The following MCM7 variants were observed in gnomAD, a reference collection of about 807,000 sequenced individuals.
MCM7 encodes the protein minichromosome maintenance complex component 7, also known as DNA replication licensing factor MCM7.
A neutral mutation model predicts 83.5 loss-of-function variants in MCM7; 95 were observed. The observed-to-expected ratio is 1.14, with a 90% CI of 0.96 to 1.35. MCM7 has a LOEUF of 1.35. Ranked by LOEUF, MCM7 falls within the 40% of genes most tolerant of loss-of-function variation. The probability of loss-of-function intolerance (pLI) is 0.00; values close to 1 mark genes in which losing one functional copy is unlikely to be tolerated. For missense variants in MCM7, 1,087 were observed against 957.4 expected, an observed-to-expected ratio of 1.14 and a Z score of -1.79; for synonymous variants, 461 against 352.7, an observed-to-expected ratio of 1.31 and a Z score of -3.44.
At chr7:100,097,565 C>T (rs779860364) in intron 9 of MCM7, 49 bp downstream of exon 9, 5 of 1,609,078 alleles carry the variant, frequency 3.1e-6, no homozygotes, top group South Asian at 1.1e-5. Context: ...TCCTTTTTTC[C>T]TCCTAAATGA....
chr7:100,093,977 C>A, intron 13 of MCM7, 196 bp downstream of exon 13: 1 of 780,352 alleles, frequency 1.3e-6, no homozygotes, highest in Middle Eastern at 2.2e-4. Flanking sequence ...TTTCCCTCCA[C>A]GGACGCTGTG....
intron 1 of MCM7, 47 bp from the exon 2 acceptor site, chr7:100,100,140 T>C (rs1470859048): frequency 1.9e-6 from 3 of 1,603,376 alleles, no homozygotes; most frequent in East Asian, 2.2e-5. Context: ...TTAAGACAAA[T>C]CTTAGATACC....
In MCM7 at chr7:100,095,474, G is replaced by A; in HGVS notation, c.1596-4C>T. On this transcript the variant is annotated splice_region_variant and splice_polypyrimidine_tract_variant and intron_variant, in intron 11 of 14. Coordinates refer to ENST00000303887, the MANE Select transcript of MCM7 (RefSeq NM_005916.5). ...ATAGGTGATGTGCTGGGCCAACCTG[G>A]ACAGAGGGAAGGTTAGAAGGAACAC... is the stretch of plus-strand genomic sequence containing the variant. The A allele has an allele frequency of 6.2e-7, 1 of 1,613,848 alleles. No homozygotes were observed. Among genetic ancestry groups the A allele is most frequent in the East Asian group, 2.2e-5 (1 of 44,874 alleles).
At chr7:100,096,237 C>A in intron 10 of MCM7, 70 bp from the exon 11 acceptor site, 1 of 1,468,344 alleles carries the variant, frequency 6.8e-7, no homozygotes, top group Non-Finnish European at 9.0e-7. Flanking sequence ...AGACAACAAA[C>A]GGGCCAGGGA....
intron 13 of MCM7, chr7:100,093,759 G>A: frequency 1.6e-6 from 1 of 621,166 alleles, no homozygotes; most frequent in Non-Finnish European, 3.2e-6. Context: ...TTGGCAGAGA[G>A]AACGTGTCCC....
chr7:100,096,994 G>A (rs113310819), intron 10 of MCM7, among the ~76,000 whole-genome samples: 268 of 152,206 alleles, frequency 1.8e-3, no homozygotes, highest in African/African-American at 6.0e-3. Flanking sequence ...CCAGCTACTC[G>A]GGAGGCTGAG....
intron 14 of MCM7, 40 bp downstream of exon 14, chr7:100,093,252 G>A: frequency 3.1e-6 from 5 of 1,601,674 alleles, no homozygotes; most frequent in South Asian, 2.2e-5. Context: ...GGCCACAGAA[G>A]ACAAAGTGAC....
rs1240354024 is a variant in MCM7, at chr7:100,095,876, C to T, written c.1493G>A (p.Arg498His). 3.7e-6 allele frequency: 6 copies of T among 1,613,490 alleles called. No homozygotes were observed. Among genetic ancestry groups the T allele is most frequent in the Non-Finnish European group, 5.1e-6 (6 of 1,179,992 alleles). Reference sequence around the variant, plus strand: ...CTGTATGTTCTGCTCCAGGCTGCGGCGAGGGTTGTAGCGCCCGTAGGCAGG... The same window carrying T: ...CTGTATGTTCTGCTCCAGGCTGCGGTGAGGGTTGTAGCGCCCGTAGGCAGG... ...ANPAYGRYNP[R>H]RSLEQNIQLP... is the part of the protein sequence containing the mutation. The change falls in exon 11 of 15, where the codon CGC becomes CAC. Residue 498 changes from arginine (R) to histidine (H), a missense_variant. Arg to His is a conservative substitution (Grantham distance 29). Coordinates refer to ENST00000303887, the MANE Select transcript of MCM7 (RefSeq NM_005916.5).
In MCM7 at chr7:100,094,345, T is replaced by C. The variant is rs1795504660; in HGVS notation, c.1680-4A>G. On this transcript the variant is annotated splice_polypyrimidine_tract_variant and splice_region_variant and intron_variant, in intron 12 of 14. Transcript: ENST00000303887. ...GCGGCACATGGCTATGTAACGCCTG[T>C]GGGGGAAGGTTCATGGGGAAGCAGA... The C allele has an allele frequency of 6.2e-7, 1 of 1,613,732 alleles. No individual in the cohort carries two copies. Among genetic ancestry groups the C allele is most frequent in the Non-Finnish European group, 8.5e-7 (1 of 1,179,966 alleles).
intron 7 of MCM7, 35 bp from the exon 8 acceptor site, chr7:100,097,983 C>T (rs551241272): frequency 2.5e-6 from 4 of 1,598,538 alleles, no homozygotes; most frequent in African/African-American, 1.3e-5. Flanking sequence ...CAGATGTAAT[C>T]CCTTCAACTT....
intron 13 of MCM7, chr7:100,093,868 G>A (rs1306632891): frequency 1.5e-6 from 1 of 650,850 alleles, no homozygotes; most frequent in Non-Finnish European, 3.0e-6. Context: ...CAAGACGGGA[G>A]GACAGAAAGG....
intron 10 of MCM7, 89 bp downstream of exon 10, chr7:100,097,212 C>G: frequency 8.8e-7 from 1 of 1,142,478 alleles, no homozygotes; most frequent in South Asian, 1.3e-5. Context: ...GGATTACAGG[C>G]GTGAGCAAAC....
At position 100,092,982 on chromosome 7, in the gene MCM7, G is replaced by A. The variant is rs368049768; in HGVS notation, c.2110C>T (p.Leu704Phe). 6.2e-7 allele frequency: 1 copy of A among 1,614,228 alleles called. No homozygotes were observed. The highest frequency in any genetic ancestry group is 8.5e-7 in the Non-Finnish European group (1 of 1,180,048). ...FQAALDEYEE[L>F]NVWQVNASRT... The stretch of plus-strand genomic sequence containing the variant: ...GAAGCATTGACCTGCCAGACATTGA[G>A]CTCCTCATATTCATCCAGAGCCGCC... The change falls in exon 15 of 15, where the codon CTC becomes TTC. Residue 704 changes from leucine to phenylalanine, a missense_variant. By Grantham distance (22) the Leu-to-Phe change is conservative (BLOSUM62 0). Transcript: ENST00000303887.
chr7:100,100,384 G>A (rs932272866), intron 1 of MCM7: 30 of 1,082,436 alleles, frequency 2.8e-5, no homozygotes, highest in African/African-American at 8.4e-5. Flanking sequence ...CTCACACTCC[G>A]GTCTCAAGGT....
chr7:100,099,712 G>A lies in MCM7; in HGVS notation c.153C>T (p.Asp51=), dbSNP rs1584496593. The change falls in exon 3 of 15, where the codon GAC becomes GAT. Residue 51 remains aspartate, a synonymous_variant. Transcript: ENST00000303887. The part of the protein sequence containing the change: ...AHREQVALYV[D]LDDVAEDDPE... ...GGTCATCCTCGGCTACGTCGTCCAG[G>A]TCCACATACAGAGCCACCTGTTCCC... 6.2e-7 allele frequency: 1 copy of A among 1,614,136 alleles called. No individual in the cohort carries two copies. Among genetic ancestry groups the A allele is most frequent in the East Asian group, 2.2e-5 (1 of 44,890 alleles).
chr7:100,092,838 G>A lies in MCM7; in HGVS notation c.*94C>T, dbSNP rs1795384199. The A allele has an allele frequency of 3.1e-6, 4 of 1,306,404 alleles. No homozygotes were observed. Among genetic ancestry groups the A allele is most frequent in the Non-Finnish European group, 4.4e-6 (4 of 911,412 alleles). The allele number at this position is 1,306,404 out of a possible 1,614,324, so 80.9% of individuals were successfully genotyped here. ...AGTAAGTGCAGCATGGGAGAAAGAG[G>A]GGCTCCTCCTTCCCCTCAAAGGCAT... On this transcript the variant is annotated 3_prime_UTR_variant, in exon 15 of 15. Coordinates refer to ENST00000303887, the MANE Select transcript of MCM7 (RefSeq NM_005916.5).
At chr7:100,093,197 A>G in intron 14 of MCM7, 64 bp from the exon 15 acceptor site, 1 of 1,598,898 alleles carries the variant, frequency 6.3e-7, no homozygotes, top group Non-Finnish European at 8.6e-7. Context: ...ATCAACAGAG[A>G]ACAATGGTGG....
chr7:100,100,702 C>G (rs1328034918), intron 1 of MCM7: 1 of 989,880 alleles, frequency 1.0e-6, no homozygotes, highest in African/African-American at 1.7e-5. Context: ...CACGCCCCCC[C>G]GGGCCGCAGC....
chr7:100,096,191 C>G (rs753827631), intron 10 of MCM7, 24 bp from the exon 11 acceptor site: 1 of 1,536,616 alleles, frequency 6.5e-7, no homozygotes, highest in African/African-American at 1.4e-5. Context: ...AATAAGGAAC[C>G]ATGAGAGAGA....
Sources: gnomAD v4.1 joint callset for allele counts (sites outside exome capture counted in the v4.1 genomes callset) on GRCh38, gnomAD v4.1.1 for gene constraint, MANE v1.5 for transcripts, NCBI Gene and HGNC (gene_info 2026-07-23, HGNC 2026-07-21) for gene names.